The following RPA3 variants were observed in gnomAD, a reference collection of about 807,000 sequenced individuals.
RPA3 encodes the protein replication protein A3.
RPA3 carries 24 observed loss-of-function variants against 13.7 expected under a neutral mutation model. The observed-to-expected ratio is 1.75, with a 90% CI of 1.27 to 2.46. RPA3 has a LOEUF of 2.46. Ranked by LOEUF, RPA3 falls within the 30% of genes most tolerant of loss-of-function variation. RPA3 has a pLI of 0.00. For synonymous variants in RPA3, 59 were observed against 51.2 expected, an observed-to-expected ratio of 1.15 and a Z score of -0.65; for missense variants, 183 against 151.0, an observed-to-expected ratio of 1.21 and a Z score of -1.11.
intron 4 of RPA3, among the ~76,000 whole-genome samples, chr7:7,644,124 A>G (rs1785040681): frequency 6.6e-6 from 1 of 152,110 alleles, no homozygotes; most frequent in African/African-American, 2.4e-5. Context: ...TTTTCCCCCA[A>G]TTTGATGGAT....
At chr7:7,654,081 C>G (rs577110369) in intron 4 of RPA3, among the ~76,000 whole-genome samples, 1 of 152,240 alleles carries the variant, frequency 6.6e-6, no homozygotes, top group East Asian at 1.9e-4. Context: ...GCAGTCATTT[C>G]TTATCACTGC....
intron 1 of RPA3, among the ~76,000 whole-genome samples, chr7:7,717,863 TC>T (rs1448468801): frequency 6.6e-6 from 1 of 152,216 alleles, no homozygotes; most frequent in African/African-American, 2.4e-5. Flanking sequence ...GCCATAATTA[TC>T]AAATTGACAC....
rs942584226 is a variant in RPA3, at chr7:7,713,212, C to T, written c.-1028+1963G>A. Among the ~76,000 whole-genome samples the T allele has an allele frequency of 1.4e-4, 22 of 151,762 alleles. 1 individual carries two copies. The highest frequency in any genetic ancestry group is 4.1e-4 in the South Asian group (2 of 4,820). ...AAAAAAAATTAGCTGGGCATGGTGG[C>T]GTGCACCTGTAGTCCCAGCTACTCA... On this transcript the variant is annotated intron_variant, in intron 2 of 7. Transcript: ENST00000223129.
At position 7,648,279 on chromosome 7, in the gene RPA3, T is replaced by TGCTTAAGTTTTCTCC. The variant is rs537597584; in HGVS notation, c.-757-7119_-757-7105dup. 2.6e-5 allele frequency among the ~76,000 whole-genome samples: 4 copies of TGCTTAAGTTTTCTCC among 152,384 alleles called. 1 individual carries two copies. In the South Asian group the frequency reaches 8.3e-4, roughly 32 times the overall value. ...GATCATGAGTGATTTGCTGTTTCTCTGCTTAAGTTTTCTCCGCTTAAGTTT... is the reference window on the plus strand; with the variant it reads ...GATCATGAGTGATTTGCTGTTTCTCTGCTTAAGTTTTCTCCGCTTAAGTTTTCTCCGCTTAAGTTT... On this transcript the variant is annotated intron_variant, in intron 4 of 7. Coordinates refer to ENST00000223129, the MANE Select transcript of RPA3 (RefSeq NM_002947.5).
intron 2 of RPA3, among the ~76,000 whole-genome samples, chr7:7,710,751 C>T (rs1209696513): frequency 6.6e-6 from 1 of 152,144 alleles, no homozygotes; most frequent in Non-Finnish European, 1.5e-5. Context: ...GTATTTATAG[C>T]AATTTTATTC....
intron 4 of RPA3, among the ~76,000 whole-genome samples, chr7:7,644,423 G>T (rs1256684153): frequency 6.6e-6 from 1 of 150,756 alleles, no homozygotes; most frequent in Non-Finnish European, 1.5e-5. Flanking sequence ...GTTTAATGTA[G>T]GAGAAAAGTC....
At chr7:7,710,328 C>G (rs145399049) in intron 2 of RPA3, among the ~76,000 whole-genome samples, 2 of 151,818 alleles carry the variant, frequency 1.3e-5, no homozygotes, top group East Asian at 3.9e-4. Flanking sequence ...AGGACTAGTC[C>G]CTAGAATAAG....
chr7:7,656,778 T>A (rs189971231), intron 4 of RPA3, among the ~76,000 whole-genome samples: 11 of 152,342 alleles, frequency 7.2e-5, no homozygotes, highest in African/African-American at 2.2e-4. Flanking sequence ...TAAACATACG[T>A]GCGCATGTGT....
intron 2 of RPA3, among the ~76,000 whole-genome samples, chr7:7,711,943 C>T (rs184730021): frequency 2.6e-5 from 4 of 152,176 alleles, no homozygotes; most frequent in Non-Finnish European, 4.4e-5. Flanking sequence ...TGTGGTATAG[C>T]GATCCGATTT....
intron 2 of RPA3, among the ~76,000 whole-genome samples, chr7:7,713,007 A>G (rs17547731): frequency 0.14 from 21,537 of 151,974 alleles, 1,906 homozygotes; most frequent in Middle Eastern, 0.2. Flanking sequence ...TATTGTGTCA[A>G]TTTGGTAAGA....
chr7:7,653,530 T>A (rs982674650), intron 4 of RPA3, among the ~76,000 whole-genome samples: 5 of 152,234 alleles, frequency 3.3e-5, no homozygotes, highest in Non-Finnish European at 7.3e-5. Context: ...GAAATTAAGA[T>A]GTTTTCTGAC....
chr7:7,660,884 C>T (rs987670064), intron 4 of RPA3, among the ~76,000 whole-genome samples: 1 of 152,184 alleles, frequency 6.6e-6, no homozygotes, highest in Non-Finnish European at 1.5e-5. Context: ...TGGATAATAT[C>T]CTGAAGAGTG....
At chr7:7,654,600 A>T (rs1785298281) in intron 4 of RPA3, among the ~76,000 whole-genome samples, 1 of 152,142 alleles carries the variant, frequency 6.6e-6, no homozygotes, top group Non-Finnish European at 1.5e-5. Flanking sequence ...CTCTGTGTAA[A>T]TAGTTATATT....
At chr7:7,714,008 T>C (rs551164353) in intron 2 of RPA3, among the ~76,000 whole-genome samples, 1 of 152,300 alleles carries the variant, frequency 6.6e-6, no homozygotes, top group South Asian at 2.1e-4. Flanking sequence ...CCCACACGTT[T>C]TTCATCGTCA....
At chr7:7,681,775 A>G (rs1779920035) in intron 4 of RPA3, among the ~76,000 whole-genome samples, 1 of 152,144 alleles carries the variant, frequency 6.6e-6, no homozygotes, top group South Asian at 2.1e-4. Context: ...TGACATGTTT[A>G]ATTGTACTTT....
chr7:7,637,942 C>G lies in RPA3; in HGVS notation c.205G>C (p.Val69Leu), dbSNP rs770251303. The G allele has an allele frequency of 1.1e-5, 17 of 1,613,486 alleles. No individual in the cohort carries two copies. Among genetic ancestry groups the G allele is most frequent in the Non-Finnish European group, 1.4e-5 (17 of 1,179,688 alleles). Residue 69 changes from valine (V) to leucine (L), a missense_variant, in exon 7 of 8, where the codon GTG (valine) becomes CTG (leucine). Val to Leu is a conservative substitution (Grantham distance 32). Coordinates refer to ENST00000223129, the MANE Select transcript of RPA3 (RefSeq NM_002947.5). Reference protein sequence around the residue: ...LDEEISGIVEVVGRVTAKATI... With the variant: ...LDEEISGIVELVGRVTAKATI... The stretch of plus-strand genomic sequence containing the variant: ...GCCTTGGCGGTTACTCTTCCAACCA[C>G]TTCCACAATTCCAGAGATTTCTTCA...
At chr7:7,704,677 G>C (rs549020173) in intron 2 of RPA3, among the ~76,000 whole-genome samples, 37 of 134,242 alleles carry the variant, frequency 2.8e-4, no homozygotes, top group African/African-American at 1.0e-3. Context: ...CTGAGGGTGA[G>C]AATCACTTGA....
rs543852708 is a variant in RPA3 at position 7,704,426 on chromosome 7, T to G, written c.-1028+10749A>C. On this transcript the variant is annotated intron_variant, in intron 2 of 7. Coordinates refer to ENST00000223129, the MANE Select transcript of RPA3 (RefSeq NM_002947.5). ...TAATTTTTGAGAGCATAAAGAGGTC[T>G]TGGAGATCACAGAGTTTAACAACTG... Among the ~76,000 whole-genome samples, 14 of 151,996 alleles carry G rather than the reference T, an allele frequency of 9.2e-5. No homozygotes were observed. The South Asian group carries it at 2.9e-3, about 32-fold the overall frequency.
At chr7:7,675,697 A>G (rs143482276) in intron 4 of RPA3, among the ~76,000 whole-genome samples, 7 of 152,322 alleles carry the variant, frequency 4.6e-5, no homozygotes, top group Non-Finnish European at 1.0e-4. Context: ...ATCTTGGACT[A>G]GCATAATTGG....
Sources: allele counts gnomAD v4.1 joint callset (sites outside exome capture counted in the v4.1 genomes callset), GRCh38; gene constraint gnomAD v4.1.1; transcripts MANE v1.5; gene names NCBI Gene and HGNC (gene_info 2026-07-23, HGNC 2026-07-21).